The following CACNA2D3 variants were observed in gnomAD, a reference collection of about 807,000 sequenced individuals.
CACNA2D3 encodes the protein calcium voltage-gated channel auxiliary subunit alpha2delta 3.
A neutral mutation model predicts 160.6 loss-of-function variants in CACNA2D3; 60 were observed. The ratio of observed to expected loss-of-function variants is 0.37; its 90% CI spans 0.30 to 0.46. The LOEUF is 0.46. CACNA2D3 is among the 20% of genes least tolerant of loss of function. The pLI is 1.00. For missense variants in CACNA2D3, 1,205 were observed against 1,365.0 expected, an observed-to-expected ratio of 0.88 and a Z score of 1.85; for synonymous variants, 558 against 492.9, an observed-to-expected ratio of 1.13 and a Z score of -1.75.
intron 20 of CACNA2D3, among the ~76,000 whole-genome samples, chr3:54,880,407 C>T (rs1047732909): frequency 1.3e-5 from 2 of 152,166 alleles, no homozygotes; most frequent in African/African-American, 4.8e-5. Context: ...GTCAATTTCC[C>T]GAGTCCCAAA....
chr3:54,895,581 A>G (rs113071873), intron 25 of CACNA2D3, among the ~76,000 whole-genome samples: 1 of 152,136 alleles, frequency 6.6e-6, no homozygotes, highest in African/African-American at 2.4e-5. Flanking sequence ...TTAGCATGAA[A>G]ATTTCTCTCC....
chr3:54,249,838 C>A (rs552416273), intron 2 of CACNA2D3, among the ~76,000 whole-genome samples: 2 of 151,470 alleles, frequency 1.3e-5, no homozygotes, highest in South Asian at 2.1e-4. Flanking sequence ...TTCATTATGA[C>A]CCTAGATAAC....
chr3:54,479,836 CAGCT>C (rs1450314765), intron 4 of CACNA2D3, among the ~76,000 whole-genome samples: 1 of 152,132 alleles, frequency 6.6e-6, no homozygotes, highest in African/African-American at 2.4e-5. Flanking sequence ...GCTCAGTGGG[CAGCT>C]ATTAGTCAAA....
intron 5 of CACNA2D3, among the ~76,000 whole-genome samples, chr3:54,559,966 G>A (rs1257129043): frequency 6.6e-6 from 1 of 152,158 alleles, no homozygotes; most frequent in African/African-American, 2.4e-5. Flanking sequence ...TGGTGTATAT[G>A]TGCCACATTT....
intron 14 of CACNA2D3, among the ~76,000 whole-genome samples, chr3:54,831,695 G>A (rs973549939): frequency 2.6e-5 from 4 of 152,088 alleles, no homozygotes; most frequent in African/African-American, 7.2e-5. Context: ...GGGAATGTTG[G>A]TACCCTTTTG....
chr3:54,400,021 G>A (rs1457787742), intron 4 of CACNA2D3, among the ~76,000 whole-genome samples: 4 of 124,336 alleles, frequency 3.2e-5, no homozygotes, highest in Non-Finnish European at 6.8e-5. Context: ...TTTTTAAGCC[G>A]GTCTGAAAAG....
At chr3:54,367,380 T>C (rs1698844561) in intron 3 of CACNA2D3, among the ~76,000 whole-genome samples, 1 of 152,220 alleles carries the variant, frequency 6.6e-6, no homozygotes, top group Non-Finnish European at 1.5e-5. Context: ...GGCACTTAAA[T>C]GTCCCTGTCT....
At chr3:54,680,638 A>C (rs1237929066) in intron 11 of CACNA2D3, among the ~76,000 whole-genome samples, 1 of 152,162 alleles carries the variant, frequency 6.6e-6, no homozygotes, top group South Asian at 2.1e-4. Flanking sequence ...TGCTGGACTC[A>C]TTGTTGTTGG....
intron 14 of CACNA2D3, among the ~76,000 whole-genome samples, chr3:54,831,682 C>G (rs1703881171): frequency 6.6e-6 from 1 of 152,182 alleles, no homozygotes; most frequent in African/African-American, 2.4e-5. Flanking sequence ...AACCATCCAT[C>G]TTGGGAATGT....
chr3:54,746,492 G>A (rs541614943), intron 11 of CACNA2D3, among the ~76,000 whole-genome samples: 85 of 152,288 alleles, frequency 5.6e-4, no homozygotes, highest in Non-Finnish European at 1.2e-3. Context: ...AAGGACATGA[G>A]CAGGTGAGAA....
intron 12 of CACNA2D3, 64 bp from the exon 13 acceptor site, chr3:54,764,154 C>T: frequency 6.4e-7 from 1 of 1,571,726 alleles, no homozygotes; most frequent in Non-Finnish European, 8.7e-7. Context: ...ATGGCATATG[C>T]ATATTCCCAG....
chr3:54,379,260 G>T (rs1699060766), intron 3 of CACNA2D3, among the ~76,000 whole-genome samples: 1 of 152,136 alleles, frequency 6.6e-6, no homozygotes, highest in African/African-American at 2.4e-5. Flanking sequence ...CAGGCAGAAG[G>T]TCATTTTATA....
intron 4 of CACNA2D3, among the ~76,000 whole-genome samples, chr3:54,433,317 G>A (rs1156739894): frequency 6.6e-6 from 1 of 152,176 alleles, no homozygotes; most frequent in African/African-American, 2.4e-5. Context: ...ACAGGGATAA[G>A]CCAGTATCTG....
chr3:54,616,315 C>T (rs1186660867), intron 9 of CACNA2D3, among the ~76,000 whole-genome samples: 1 of 152,160 alleles, frequency 6.6e-6, no homozygotes. Flanking sequence ...AAAGAGACTT[C>T]AGTTCCCTGA....
intron 5 of CACNA2D3, among the ~76,000 whole-genome samples, chr3:54,507,462 C>A (rs1701389279): frequency 6.6e-6 from 1 of 152,172 alleles, no homozygotes; most frequent in African/African-American, 2.4e-5. Flanking sequence ...GCAGATGCAG[C>A]CTTGTGCCCC....
chr3:54,607,326 GT>G (rs1188554778), intron 9 of CACNA2D3, among the ~76,000 whole-genome samples: 1 of 151,970 alleles, frequency 6.6e-6, no homozygotes, highest in Non-Finnish European at 1.5e-5. Context: ...TTTTTGTTTT[GT>G]TTTGTTTTTT....
intron 29 of CACNA2D3, among the ~76,000 whole-genome samples, chr3:54,971,029 G>A (rs1016584222): frequency 6.6e-6 from 1 of 152,064 alleles, no homozygotes; most frequent in Non-Finnish European, 1.5e-5. Context: ...AGGAAGTCCA[G>A]GATGAAGTTA....
chr3:54,983,027 TAGCCTCATTTTCTCC>T (rs1274746082), intron 29 of CACNA2D3, among the ~76,000 whole-genome samples: 1 of 152,200 alleles, frequency 6.6e-6, no homozygotes, highest in African/African-American at 2.4e-5. Context: ...CAACAGGTCT[TAGCCTCATTTTCTCC>T]AGCCTCTAAA....
At chr3:54,248,753 C>A (rs1044104232) in intron 2 of CACNA2D3, among the ~76,000 whole-genome samples, 4 of 152,140 alleles carry the variant, frequency 2.6e-5, no homozygotes, top group Non-Finnish European at 1.5e-5. Flanking sequence ...GTCTGTGGTA[C>A]TTTGTTATGG....
Sources: gnomAD v4.1 joint callset for allele counts (sites outside exome capture counted in the v4.1 genomes callset) on GRCh38, gnomAD v4.1.1 for gene constraint, MANE v1.5 for transcripts, NCBI Gene and HGNC (gene_info 2026-07-23, HGNC 2026-07-21) for gene names.